The following NEDD4L variants were observed in gnomAD, a reference collection of about 807,000 sequenced individuals.
NEDD4L encodes the protein NEDD4 like E3 ubiquitin protein ligase.
A neutral mutation model predicts 148.9 loss-of-function variants in NEDD4L; 54 were observed. The ratio of observed to expected loss-of-function variants is 0.36; its 90% CI spans 0.29 to 0.45. The LOEUF is 0.45. Among genes scored for constraint, NEDD4L ranks in the 20% least tolerant of loss-of-function variants. The pLI is 1.00. For synonymous variants in NEDD4L, 433 were observed against 440.7 expected (o/e 0.98, Z 0.22); for missense variants, 856 against 1,233.8 (o/e 0.69, Z 4.59).
chr18:58,372,786 T>C (rs1007264517), intron 23 of NEDD4L: 22 of 166,298 alleles, frequency 1.3e-4, no homozygotes, highest in Middle Eastern at 2.8e-3. Context: ...GTCATGCCAT[T>C]GCACTCCAGC....
chr18:58,188,197 C>T (rs531803562), intron 2 of NEDD4L, among the ~76,000 whole-genome samples: 1 of 152,200 alleles, frequency 6.6e-6, no homozygotes, highest in Non-Finnish European at 1.5e-5. Flanking sequence ...CCTCCAGCAC[C>T]TCATTTCTCC....
At chr18:58,283,841 A>G (rs1387198143) in intron 5 of NEDD4L, among the ~76,000 whole-genome samples, 5 of 152,196 alleles carry the variant, frequency 3.3e-5, no homozygotes, top group South Asian at 4.2e-4. Flanking sequence ...CCTCTTGCAG[A>G]TGGAGTCAAG....
chr18:58,252,519 A>G lies in NEDD4L; in HGVS notation c.297+465A>G, dbSNP rs190409604. Among the ~76,000 whole-genome samples the G allele has an allele frequency of 2.6e-3, 401 of 152,330 alleles. 2 individuals carry two copies. Among genetic ancestry groups the G allele is most frequent in the Non-Finnish European group, 4.4e-3 (299 of 68,028 alleles). On this transcript the variant is annotated intron_variant, in intron 5 of 30. Transcript: ENST00000400345. ...AACGTATAGCAAAAAGTGAATCTACATTTAGCAGGTAAAGTCAAGCCGTAT... is the reference window on the plus strand; with the variant it reads ...AACGTATAGCAAAAAGTGAATCTACGTTTAGCAGGTAAAGTCAAGCCGTAT...
At chr18:58,353,806 G>A (rs760574609) in intron 18 of NEDD4L, among the ~76,000 whole-genome samples, 13 of 152,160 alleles carry the variant, frequency 8.5e-5, no homozygotes, top group Non-Finnish European at 1.6e-4. Flanking sequence ...ATGCCTACAG[G>A]ACAGGAACCA....
intron 19 of NEDD4L, among the ~76,000 whole-genome samples, chr18:58,363,062 T>A (rs2045679324): frequency 6.6e-6 from 1 of 152,222 alleles, no homozygotes; most frequent in African/African-American, 2.4e-5. Context: ...CAGTGTAAAT[T>A]GTCTATAGAT....
chr18:58,227,124 A>G (rs114694777), intron 2 of NEDD4L, among the ~76,000 whole-genome samples: 2,630 of 152,182 alleles, frequency 0.017, 29 homozygotes, highest in Non-Finnish European at 0.024. Flanking sequence ...ATCTTCTAAC[A>G]CTGTGAACTT....
chr18:58,282,660 A>G (rs933010344), intron 5 of NEDD4L, among the ~76,000 whole-genome samples: 2 of 152,232 alleles, frequency 1.3e-5, no homozygotes, highest in African/African-American at 4.8e-5. Context: ...TGTTTTTAGT[A>G]GGCAGGGTAA....
At chr18:58,389,027 G>A (rs2049432161) in intron 27 of NEDD4L, 58 bp from the exon 28 acceptor site, 2 of 1,389,370 alleles carry the variant, frequency 1.4e-6, no homozygotes, top group Non-Finnish European at 2.0e-6. Flanking sequence ...TCATTTCTCA[G>A]TGTGTGATCT....
chr18:58,341,294 A>G, intron 14 of NEDD4L, 125 bp downstream of exon 14: 1 of 1,073,486 alleles, frequency 9.3e-7, no homozygotes. Flanking sequence ...CTTTCTCACA[A>G]AGAAAATGCA....
rs985485253 is a variant in NEDD4L at position 58,170,121 on chromosome 18, C to G, written c.122+4260C>G. ...CTCCCTCTCTCCTTCCCTCCCTTTCCCACCCCTTCACTGGAAACTCACAGT... is the reference window on the plus strand; with the variant it reads ...CTCCCTCTCTCCTTCCCTCCCTTTCGCACCCCTTCACTGGAAACTCACAGT... On this transcript the variant is annotated intron_variant, in intron 2 of 30. Transcript: ENST00000400345. Among the ~76,000 whole-genome samples the G allele has an allele frequency of 2.0e-5, 3 of 152,158 alleles. No individual in the cohort carries two copies. The South Asian group carries it at 6.2e-4, about 32-fold the overall frequency.
At chr18:58,062,999 AAAAAAG>A (rs1400943837) in intron 1 of NEDD4L, among the ~76,000 whole-genome samples, 1 of 149,462 alleles carries the variant, frequency 6.7e-6, no homozygotes, top group Non-Finnish European at 1.5e-5. Flanking sequence ...AAAAAAAAAA[AAAAAAG>A]AAATCGAAGG....
intron 5 of NEDD4L, among the ~76,000 whole-genome samples, chr18:58,283,846 G>A (rs78931561): frequency 0.014 from 2,107 of 152,314 alleles, 39 homozygotes; most frequent in African/African-American, 0.048. Flanking sequence ...TGCAGATGGA[G>A]TCAAGTTAAG....
At chr18:58,249,580 G>A (rs1309858467) in intron 4 of NEDD4L, among the ~76,000 whole-genome samples, 1 of 152,164 alleles carries the variant, frequency 6.6e-6, no homozygotes, top group East Asian at 1.9e-4. Context: ...GGAACTATTA[G>A]ACTGCTTAGC....
chr18:58,373,290 G>T, intron 24 of NEDD4L, 21 bp downstream of exon 24: 1 of 1,433,604 alleles, frequency 7.0e-7, no homozygotes, highest in South Asian at 1.2e-5. Context: ...GTAACCCTGG[G>T]AACTCTTCTT....
intron 2 of NEDD4L, among the ~76,000 whole-genome samples, chr18:58,196,044 C>G (rs181666000): frequency 8.7e-4 from 133 of 152,300 alleles, no homozygotes; most frequent in Non-Finnish European, 9.3e-4. Flanking sequence ...GCCTCTCCCC[C>G]CTTTTATGAA....
chr18:58,161,048 A>C (rs2036142908), intron 1 of NEDD4L, among the ~76,000 whole-genome samples: 1 of 151,246 alleles, frequency 6.6e-6, no homozygotes, highest in African/African-American at 2.4e-5. Context: ...ACAGGGTCTC[A>C]CTCTGTCGCC....
At chr18:58,081,100 A>G (rs2083407472) in intron 1 of NEDD4L, among the ~76,000 whole-genome samples, 1 of 152,104 alleles carries the variant, frequency 6.6e-6, no homozygotes, top group Non-Finnish European at 1.5e-5. Context: ...TCTCAGCTAC[A>G]GTGTGCATTA....
chr18:58,139,795 C>T (rs1038053057), intron 1 of NEDD4L, among the ~76,000 whole-genome samples: 4 of 152,112 alleles, frequency 2.6e-5, no homozygotes, highest in Non-Finnish European at 5.9e-5. Flanking sequence ...CTCAGGAAAC[C>T]ACCGTAGAAC....
chr18:58,367,028 G>A (rs907349605), intron 21 of NEDD4L: 2 of 152,270 alleles, frequency 1.3e-5, no homozygotes, highest in Admixed American at 6.5e-5. Flanking sequence ...AGTCCCATGA[G>A]AAAGCCCACT....
Sources: gnomAD v4.1 joint callset for allele counts (sites outside exome capture counted in the v4.1 genomes callset) on GRCh38, gnomAD v4.1.1 for gene constraint, MANE v1.5 for transcripts, NCBI Gene and HGNC (gene_info 2026-07-23, HGNC 2026-07-21) for gene names.